The following CDH13 variants were observed in gnomAD, a reference collection of about 807,000 sequenced individuals.
CDH13 encodes the protein cadherin-13.
In CDH13, 24 loss-of-function variants were observed where a neutral mutation model predicts 63.8. The ratio of observed to expected loss-of-function variants is 0.38; its 90% CI spans 0.27 to 0.53. CDH13 has a LOEUF of 0.53. Among genes scored for constraint, CDH13 ranks in the 20% least tolerant of loss-of-function variants. The pLI is 0.85. For missense variants in CDH13, 1,049 were observed against 903.1 expected, an observed-to-expected ratio of 1.16 and a Z score of -2.07; for synonymous variants, 503 against 355.3, an observed-to-expected ratio of 1.42 and a Z score of -4.67.
rs116737263 is a variant in CDH13 at position 82,653,494 on chromosome 16, A to G, written c.45+26357A>G. Among the ~76,000 whole-genome samples the G allele has an allele frequency of 5.6e-3, 851 of 152,294 alleles. 12 individuals are homozygous for G. Among genetic ancestry groups the G allele is most frequent in the African/African-American group, 0.02 (814 of 41,552 alleles). ...AAGGAGCAACAGAAATTAGGCACTG[A>G]GTAAAATGGGACTGGATGTACCTGC... On this transcript the variant is annotated intron_variant, in intron 1 of 13. Coordinates refer to ENST00000567109, the MANE Select transcript of CDH13 (RefSeq NM_001257.5).
At chr16:82,697,290 AC>A (rs2030416254) in intron 1 of CDH13, among the ~76,000 whole-genome samples, 1 of 152,138 alleles carries the variant, frequency 6.6e-6, no homozygotes. Flanking sequence ...AGTTAATAGC[AC>A]AGTTGATCCA....
At chr16:83,331,340 G>A (rs2090476136) in intron 5 of CDH13, among the ~76,000 whole-genome samples, 1 of 152,210 alleles carries the variant, frequency 6.6e-6, no homozygotes, top group African/African-American at 2.4e-5. Flanking sequence ...TCCCAAAACT[G>A]TAGAACTGTA....
chr16:83,259,792 A>G (rs1257355095), intron 5 of CDH13, among the ~76,000 whole-genome samples: 1 of 152,140 alleles, frequency 6.6e-6, no homozygotes, highest in African/African-American at 2.4e-5. Flanking sequence ...TGAGGCAAAG[A>G]GGTATCCATG....
chr16:83,529,797 A>G (rs564208564), intron 7 of CDH13, among the ~76,000 whole-genome samples: 1 of 152,348 alleles, frequency 6.6e-6, no homozygotes, highest in Admixed American at 6.5e-5. Flanking sequence ...AAAGATGAAA[A>G]TAAATGTCAA....
At chr16:83,167,321 A>T (rs908394792) in intron 4 of CDH13, among the ~76,000 whole-genome samples, 2 of 151,656 alleles carry the variant, frequency 1.3e-5, no homozygotes, top group African/African-American at 4.8e-5. Flanking sequence ...ACATGGTGAA[A>T]TCCCGTCTCT....
At chr16:83,680,044 G>A (rs919097163) in intron 10 of CDH13, among the ~76,000 whole-genome samples, 1 of 152,292 alleles carries the variant, frequency 6.6e-6, no homozygotes, top group East Asian at 1.9e-4. Context: ...GCTGACTTGG[G>A]CAAAGAAAGA....
At chr16:82,992,746 G>A (rs1247734020) in intron 2 of CDH13, among the ~76,000 whole-genome samples, 4 of 152,162 alleles carry the variant, frequency 2.6e-5, no homozygotes, top group African/African-American at 4.8e-5. Context: ...GCAGATTAAA[G>A]TCTACTTTGA....
intron 3 of CDH13, among the ~76,000 whole-genome samples, chr16:83,056,909 T>C (rs1183503387): frequency 3.9e-5 from 6 of 152,198 alleles, no homozygotes; most frequent in Non-Finnish European, 7.3e-5. Context: ...GCCATGATTG[T>C]GAGTCCTCCC....
intron 5 of CDH13, among the ~76,000 whole-genome samples, chr16:83,331,158 C>A (rs886325320): frequency 6.6e-6 from 1 of 152,138 alleles, no homozygotes; most frequent in African/African-American, 2.4e-5. Flanking sequence ...TACAGTCTCC[C>A]TGAATCTAAA....
At chr16:83,506,042 C>G (rs529968809) in intron 7 of CDH13, among the ~76,000 whole-genome samples, 16 of 152,290 alleles carry the variant, frequency 1.1e-4, no homozygotes, top group African/African-American at 2.6e-4. Context: ...GGAATTCACA[C>G]CCAGGTCAGT....
intron 3 of CDH13, among the ~76,000 whole-genome samples, chr16:83,069,467 C>A (rs527764787): frequency 6.6e-6 from 1 of 152,108 alleles, no homozygotes; most frequent in Admixed American, 6.6e-5. Flanking sequence ...ATGTAACAGC[C>A]CCCCCTAAGG....
chr16:83,012,849 G>A (rs1914298792), intron 2 of CDH13, among the ~76,000 whole-genome samples: 1 of 152,204 alleles, frequency 6.6e-6, no homozygotes, highest in Admixed American at 6.5e-5. Flanking sequence ...AGCCTCTTGA[G>A]AATTTATTTT....
intron 2 of CDH13, among the ~76,000 whole-genome samples, chr16:82,920,285 T>G (rs1191400655): frequency 6.6e-6 from 1 of 152,202 alleles, no homozygotes; most frequent in Non-Finnish European, 1.5e-5. Context: ...TTCCCATAAG[T>G]TCTCCCCTCA....
intron 7 of CDH13, among the ~76,000 whole-genome samples, chr16:83,571,830 A>C (rs571662779): frequency 6.6e-6 from 1 of 152,270 alleles, no homozygotes. Context: ...GCTAGAAACT[A>C]CCTACCAAAC....
intron 3 of CDH13, among the ~76,000 whole-genome samples, chr16:83,085,174 T>C (rs2033505591): frequency 6.6e-6 from 1 of 151,368 alleles, no homozygotes; most frequent in East Asian, 2.0e-4. Context: ...CCTAGAATCA[T>C]GACAGGGGGC....
At chr16:82,664,027 C>T (rs897063809) in intron 1 of CDH13, among the ~76,000 whole-genome samples, 5 of 152,226 alleles carry the variant, frequency 3.3e-5, no homozygotes, top group Non-Finnish European at 5.9e-5. Flanking sequence ...GACCACGAGG[C>T]AGTGACTTTG....
In CDH13 at chr16:82,962,132, G is replaced by A. The variant is rs915994653; in HGVS notation, c.158-69878G>A. Among the ~76,000 whole-genome samples, 4 of 152,292 alleles carry A rather than the reference G, an allele frequency of 2.6e-5. No homozygotes were observed. The East Asian group carries it at 7.7e-4, about 29-fold the overall frequency. ...GAGTCTTTGCAGAGGTAATTAAGTT[G>A]GGGGTCTTGAGATCAAATAATCCTG... On this transcript the variant is annotated intron_variant, in intron 2 of 13. Transcript: ENST00000567109.
intron 9 of CDH13, among the ~76,000 whole-genome samples, chr16:83,675,703 C>G (rs1914896981): frequency 6.6e-6 from 1 of 152,214 alleles, no homozygotes; most frequent in Non-Finnish European, 1.5e-5. Flanking sequence ...GAGGCAGTGA[C>G]TTGCTGGTGG....
At chr16:82,874,311 C>A (rs531061175) in intron 2 of CDH13, among the ~76,000 whole-genome samples, 1 of 152,040 alleles carries the variant, frequency 6.6e-6, no homozygotes, top group Non-Finnish European at 1.5e-5. Flanking sequence ...AGTTGCAAAC[C>A]TTAGTCGTGC....
Sources: allele counts gnomAD v4.1 joint callset (sites outside exome capture counted in the v4.1 genomes callset), GRCh38; gene constraint gnomAD v4.1.1; transcripts MANE v1.5; gene names NCBI Gene and HGNC (gene_info 2026-07-23, HGNC 2026-07-21).